LIPK: variants seen among roughly 807,000 people sequenced by gnomAD.
The protein encoded by LIPK is lipase member K.
LIPK carries 32 observed loss-of-function variants against 48.6 expected under a neutral mutation model. The ratio of observed to expected loss-of-function variants is 0.66; its 90% confidence interval spans 0.50 to 0.88. The LOEUF is 0.88. Ranked by LOEUF, LIPK falls within the 40% of genes least tolerant of loss-of-function variation. LIPK has a pLI of 0.00. For synonymous variants in LIPK, 164 were observed against 157.4 expected (o/e 1.04, Z -0.32); for missense variants, 507 against 478.5 (o/e 1.06, Z -0.56).
At chr10:88,739,272 T>C (rs1842634011) in intron 7 of LIPK, among the ~76,000 whole-genome samples, 1 of 152,196 alleles carries the variant, frequency 6.6e-6, no homozygotes, top group Admixed American at 6.5e-5. Flanking sequence ...CTATTCTTAG[T>C]GTCTTAGGGC....
chr10:88,733,325 T>C (rs1842506889), intron 6 of LIPK, among the ~76,000 whole-genome samples: 3 of 152,226 alleles, frequency 2.0e-5, no homozygotes, highest in African/African-American at 7.2e-5. Context: ...TTGGTGTGTT[T>C]TCTTCTTGTA....
chr10:88,741,099 CT>C (rs779508525), intron 8 of LIPK, among the ~76,000 whole-genome samples: 2 of 152,154 alleles, frequency 1.3e-5, no homozygotes, highest in African/African-American at 2.4e-5. Context: ...GCTCTTCTTG[CT>C]GCTCATACAT....
chr10:88,731,989 T>C (rs1055347948), intron 4 of LIPK, among the ~76,000 whole-genome samples, 189 bp from the exon 5 acceptor site: 3 of 152,244 alleles, frequency 2.0e-5, no homozygotes, highest in Non-Finnish European at 4.4e-5. Flanking sequence ...TGATTTCAGT[T>C]TCTTAAAAAT....
At chr10:88,713,806 T>C (rs1842066738) in intron 1 of LIPK, among the ~76,000 whole-genome samples, 1 of 151,226 alleles carries the variant, frequency 6.6e-6, no homozygotes, top group African/African-American at 2.4e-5. Flanking sequence ...CCAGGCGCAG[T>C]GGTGGGCACC....
At chr10:88,707,610 C>T (rs1293275310) in intron 1 of LIPK, among the ~76,000 whole-genome samples, 1 of 152,044 alleles carries the variant, frequency 6.6e-6, no homozygotes, top group Non-Finnish European at 1.5e-5. Context: ...TTCTGCTTGC[C>T]TCTAGGCTTA....
chr10:88,744,402 T>G lies in LIPK; in HGVS notation c.960+1081T>G, dbSNP rs147168685. Among the ~76,000 whole-genome samples, 66 of 152,258 alleles carry G rather than the reference T, an allele frequency of 4.3e-4. No homozygotes were observed. In the East Asian group the frequency reaches 0.011, roughly 26 times the overall value. On this transcript the variant is annotated intron_variant, in intron 9 of 9. Transcript: ENST00000404190. ...GCTTTTGCCCCACCTCCCATCAGAG[T>G]GTTGTTGCCAGTATATGAGGAACAT... is the stretch of plus-strand genomic sequence containing the variant.
intron 3 of LIPK, chr10:88,727,827 AC>A: frequency 2.7e-6 from 1 of 368,890 alleles, no homozygotes; most frequent in African/African-American, 2.1e-5. Flanking sequence ...AAGACCCTGA[AC>A]AAGTTTGCCT....
intron 8 of LIPK, among the ~76,000 whole-genome samples, chr10:88,740,549 A>G (rs1001755306): frequency 6.6e-6 from 1 of 152,174 alleles, no homozygotes; most frequent in Non-Finnish European, 1.5e-5. Context: ...TATTTGTTTT[A>G]TTTTATTACT....
At chr10:88,748,120 C>T (rs1054761790) in intron 9 of LIPK, among the ~76,000 whole-genome samples, 14 of 152,016 alleles carry the variant, frequency 9.2e-5, no homozygotes, top group Non-Finnish European at 1.9e-4. Flanking sequence ...TGCAGGGACA[C>T]GGATGCAGCT....
At chr10:88,724,383 A>T (rs1842291709) in intron 1 of LIPK, among the ~76,000 whole-genome samples, 150 bp from the exon 2 acceptor site, 1 of 152,176 alleles carries the variant, frequency 6.6e-6, no homozygotes, top group Admixed American at 6.5e-5. Context: ...CATGGAATGA[A>T]TGTTGTATAA....
At chr10:88,722,932 C>T (rs1395252804) in intron 1 of LIPK, among the ~76,000 whole-genome samples, 1 of 141,102 alleles carries the variant, frequency 7.1e-6, no homozygotes, top group Admixed American at 7.4e-5. Context: ...CCGAGGCTGG[C>T]GTTCAGTGGT....
At chr10:88,726,732 A>T in intron 2 of LIPK, 63 bp from the exon 3 acceptor site, 1 of 808,890 alleles carries the variant, frequency 1.2e-6, no homozygotes, top group Non-Finnish European at 2.1e-6. Context: ...ACTATGTTGT[A>T]ATTCATGTGT....
chr10:88,736,136 C>T (rs1249661737), intron 6 of LIPK, among the ~76,000 whole-genome samples: 1 of 141,684 alleles, frequency 7.1e-6, no homozygotes, highest in Non-Finnish European at 1.5e-5. Context: ...GGGATGGAGC[C>T]AGGGAAAAAG....
rs768888393 is a variant in LIPK, at chr10:88,752,654, G to C, written c.1098G>C (p.Leu366=). The C allele has an allele frequency of 6.3e-7, 1 of 1,575,098 alleles. No individual in the cohort carries two copies. The highest frequency in any genetic ancestry group is 1.2e-5 in the South Asian group (1 of 85,896). ...PQIANLIYYK[L]IPHYNHVDFY... is the part of the protein sequence containing the mutation. The stretch of plus-strand genomic sequence containing the variant: ...TTGCTAACCTTATTTATTACAAGCT[G>C]ATTCCACACTACAATCATGTGGATT... Residue 366 remains leucine, a synonymous_variant, in exon 10 of 10, where the codon CTG becomes CTC. Coordinates refer to ENST00000404190, the MANE Select transcript of LIPK (RefSeq NM_001080518.2).
intron 1 of LIPK, among the ~76,000 whole-genome samples, chr10:88,722,247 G>C (rs930634154): frequency 1.1e-4 from 17 of 152,074 alleles, no homozygotes. Context: ...GTGAGCCGGG[G>C]TCGCACCATT....
intron 7 of LIPK, among the ~76,000 whole-genome samples, chr10:88,739,426 C>T (rs968229874): frequency 5.9e-5 from 9 of 152,102 alleles, no homozygotes; most frequent in African/African-American, 1.7e-4. Context: ...GTCTTTGCCC[C>T]GTGGGATGCC....
At chr10:88,732,353 A>G in intron 5 of LIPK, 62 bp from the exon 6 acceptor site, 1 of 1,594,984 alleles carries the variant, frequency 6.3e-7, no homozygotes, top group South Asian at 1.1e-5. Context: ...TACATTTACT[A>G]CAACTTAAAA....
intron 1 of LIPK, among the ~76,000 whole-genome samples, chr10:88,716,893 T>C (rs1456282458): frequency 1.3e-5 from 2 of 151,970 alleles, no homozygotes; most frequent in East Asian, 3.9e-4. Context: ...ACCTAGGGAA[T>C]ATATGAAAGT....
chr10:88,752,340 T>C (rs999938384), intron 9 of LIPK, among the ~76,000 whole-genome samples, 177 bp from the exon 10 acceptor site: 3 of 152,206 alleles, frequency 2.0e-5, no homozygotes, highest in Admixed American at 2.0e-4. Flanking sequence ...CAATTCATAT[T>C]ACTGCACGAG....
Sources: gnomAD v4.1 joint callset for allele counts (sites outside exome capture counted in the v4.1 genomes callset) on GRCh38, gnomAD v4.1.1 for gene constraint, MANE v1.5 for transcripts, NCBI Gene and HGNC (gene_info 2026-07-23, HGNC 2026-07-21) for gene names.